Variants in ILDR2 observed in about 807,000 individuals in gnomAD.
The protein encoded by ILDR2 is immunoglobulin like domain containing receptor 2.
Under a neutral mutation model 66.8 loss-of-function variants are expected in ILDR2, and 25 were observed. The ratio of observed to expected loss-of-function variants is 0.37; its 90% CI spans 0.27 to 0.52. ILDR2 has a LOEUF of 0.52. Among genes scored for constraint, ILDR2 ranks in the 20% least tolerant of loss-of-function variants. ILDR2 has a pLI of 0.88. For missense variants in ILDR2, 827 were observed against 876.8 expected, an observed-to-expected ratio of 0.94 and a Z score of 0.72; for synonymous variants, 367 against 357.2, an observed-to-expected ratio of 1.03 and a Z score of -0.31.
chr1:166,919,095 A>G lies in ILDR2; in HGVS notation c.*260T>C, dbSNP rs1273078427. On this transcript the variant is annotated 3_prime_UTR_variant, in exon 10 of 10. Coordinates refer to ENST00000271417, the MANE Select transcript of ILDR2 (RefSeq NM_199351.3). ...GAGGAGGCTGGGCAGGATAAACGCT[A>G]TAGTTGAGAAACTCTGTATGTAGGA... 2 of 514,644 alleles carry G rather than the reference A, an allele frequency of 3.9e-6. No homozygotes were observed. Among genetic ancestry groups the G allele is most frequent in the Admixed American group, 6.6e-5 (2 of 30,496 alleles). 31.9% of individuals were successfully genotyped at this position (514,644 alleles called of 1,614,324 possible).
rs545047239 is a variant in ILDR2 at position 166,936,063 on chromosome 1, G to A, written c.703+528C>T. On this transcript the variant is annotated intron_variant, in intron 5 of 9. Transcript: ENST00000271417. This position sits in a 1 kb window ranked among gnomAD's most constrained non-coding sequence, Gnocchi z 5.0. ...GGGGTACCAAACTTAATGTCTATAT[G>A]GGCTTGGCCAGTAAGGTAAAAATTG... Among the ~76,000 whole-genome samples, 7 of 152,274 alleles carry A rather than the reference G, an allele frequency of 4.6e-5. No individual in the cohort carries two copies. In the South Asian group the frequency reaches 1.5e-3, roughly 32 times the overall value.
At chr1:166,966,721 C>T (rs547651421) in intron 1 of ILDR2, among the ~76,000 whole-genome samples, 24 of 152,310 alleles carry the variant, frequency 1.6e-4, no homozygotes, top group Middle Eastern at 3.4e-3. Context: ...CTGGCTTACA[C>T]GCAGTTCCAA....
At chr1:166,961,802 G>A (rs974195804) in intron 1 of ILDR2, among the ~76,000 whole-genome samples, 3 of 152,204 alleles carry the variant, frequency 2.0e-5, no homozygotes, top group Admixed American at 6.5e-5. Context: ...GTCAGATGCC[G>A]AGTGTGTACA....
chr1:166,943,963 C>T (rs1384428960), intron 3 of ILDR2: 1 of 479,618 alleles, frequency 2.1e-6, no homozygotes, highest in Non-Finnish European at 2.7e-6. Context: ...ACAGTTTTCC[C>T]CAAATCTTGC....
In ILDR2 at chr1:166,916,076, G is replaced by A. The variant is rs1440371582; in HGVS notation, c.*3279C>T. 6.6e-6 allele frequency: 1 copy of A among 151,926 alleles called. No homozygotes were observed. The highest frequency in any genetic ancestry group is 1.9e-4 in the East Asian group (1 of 5,136). 9.4% of individuals were successfully genotyped at this position (151,926 alleles called of 1,614,324 possible). A position where few individuals can be genotyped will look rare whatever the true frequency, so the allele number is the denominator to read the frequency against. On this transcript the variant is annotated 3_prime_UTR_variant, in exon 10 of 10. Transcript: ENST00000271417. ...GCCTAGAGAAGCAGCTCATCTACCAGGGGACACCTCCCTGCCACCTGCATC... is the reference window on the plus strand; with the variant it reads ...GCCTAGAGAAGCAGCTCATCTACCAAGGGACACCTCCCTGCCACCTGCATC...
chr1:166,921,320 G>A lies in ILDR2; in HGVS notation c.1271C>T (p.Ala424Val). ...GGCCGCCAGCTCGTCCATGGAAACG[G>A]CCGGCACCCCCGTGGCGAAGTTCTT... ...SRKNFATGVP[A>V]VSMDELAAFA... The change falls in exon 9 of 10, where the codon GCC becomes GTC. Residue 424 changes from alanine (A) to valine (V), a missense_variant. Physicochemically the swap from Ala to Val is moderately conservative, Grantham distance 64. Coordinates refer to ENST00000271417, the MANE Select transcript of ILDR2 (RefSeq NM_199351.3). This position sits in a 1 kb window ranked among gnomAD's most constrained non-coding sequence, Gnocchi z 5.3. 2 of 1,589,590 alleles carry A rather than the reference G, an allele frequency of 1.3e-6. No homozygotes were observed. Among genetic ancestry groups the A allele is most frequent in the Non-Finnish European group, 1.7e-6 (2 of 1,165,304 alleles).
intron 2 of ILDR2, 37 bp downstream of exon 2, chr1:166,957,732 C>T: frequency 6.5e-7 from 1 of 1,537,372 alleles, no homozygotes; most frequent in Non-Finnish European, 8.9e-7. Flanking sequence ...ACTAACCTCC[C>T]TCCCATTTCC....
chr1:166,952,927 A>G (rs1662068120), intron 3 of ILDR2, among the ~76,000 whole-genome samples: 2 of 152,146 alleles, frequency 1.3e-5, no homozygotes, highest in African/African-American at 4.8e-5. Context: ...CACTTTTTTC[A>G]TTTGGAAAAT....
chr1:166,898,627 C>G (rs1659210488), intron 2 of ILDR2, among the ~76,000 whole-genome samples: 1 of 152,186 alleles, frequency 6.6e-6, no homozygotes, highest in South Asian at 2.1e-4. Flanking sequence ...CACTCTGAAG[C>G]TTTGCATATT....
intron 8 of ILDR2, 99 bp downstream of exon 8, chr1:166,922,494 A>C: frequency 4.7e-6 from 4 of 845,536 alleles, no homozygotes; most frequent in Non-Finnish European, 8.0e-6. Flanking sequence ...AATGGGAGAC[A>C]GAGATGCTAC....
At chr1:166,953,352 C>T (rs1183953688) in intron 3 of ILDR2, among the ~76,000 whole-genome samples, 2 of 152,230 alleles carry the variant, frequency 1.3e-5, no homozygotes, top group Non-Finnish European at 2.9e-5. Context: ...AGATACTTCA[C>T]AATCTTGCTC....
chr1:166,953,984 C>T (rs1402462053), intron 3 of ILDR2, among the ~76,000 whole-genome samples: 1 of 152,206 alleles, frequency 6.6e-6, no homozygotes, highest in Non-Finnish European at 1.5e-5. Context: ...TACTTCCACT[C>T]CTGATTCCAT....
At chr1:166,938,347 G>A (rs1332781977) in intron 4 of ILDR2, among the ~76,000 whole-genome samples, 3 of 152,190 alleles carry the variant, frequency 2.0e-5, no homozygotes, top group African/African-American at 7.2e-5. Flanking sequence ...AAGGATTCTT[G>A]GAATCAAAGG....
At chr1:166,964,088 T>C (rs1172794765) in intron 1 of ILDR2, among the ~76,000 whole-genome samples, 1 of 151,660 alleles carries the variant, frequency 6.6e-6, no homozygotes, top group Non-Finnish European at 1.5e-5. Flanking sequence ...AGGTAAAGAA[T>C]TATACTGGAG....
intron 3 of ILDR2, among the ~76,000 whole-genome samples, chr1:166,950,131 T>C (rs895690151): frequency 1.3e-5 from 2 of 152,250 alleles, no homozygotes; most frequent in Non-Finnish European, 2.9e-5. Context: ...AGAAGTAGCC[T>C]CCAAATTTAT....
At chr1:166,974,748 T>C (rs577673428) in intron 1 of ILDR2, among the ~76,000 whole-genome samples, 1 of 152,230 alleles carries the variant, frequency 6.6e-6, no homozygotes, top group South Asian at 2.1e-4. Context: ...GTCCCCCTCC[T>C]TCTCTAGGGA....
At chr1:166,895,729 A>G (rs1221592805) in exon 3 of ILDR2, 1 of 152,246 alleles carries the variant, frequency 6.6e-6, no homozygotes, top group Non-Finnish European at 1.5e-5. Flanking sequence ...TTTATTTAAT[A>G]TATTTATGAA....
chr1:166,975,352 C>A lies in ILDR2; in HGVS notation c.-84G>T. ...AAGGATCGCTGTCACCCCGCGGCAG[C>A]GGGCGGCGGCGGAGCGGCGGGCACC... is the stretch of plus-strand genomic sequence containing the variant. On this transcript the variant is annotated 5_prime_UTR_variant, in exon 1 of 10. Transcript: ENST00000271417. 2 of 1,251,572 alleles carry A rather than the reference C, an allele frequency of 1.6e-6. No homozygotes were observed. Among genetic ancestry groups the A allele is most frequent in the Non-Finnish European group, 2.2e-6 (2 of 920,116 alleles). The allele number at this position is 1,251,572 out of a possible 1,614,324, so 77.5% of individuals were successfully genotyped here.
At chr1:166,956,602 G>T in intron 3 of ILDR2, 131 bp downstream of exon 3, 1 of 884,964 alleles carries the variant, frequency 1.1e-6, no homozygotes, top group South Asian at 1.9e-5. Flanking sequence ...TTCTAAAAGG[G>T]AGTGTGCATG....
Sources: gnomAD v4.1 joint callset for allele counts (sites outside exome capture counted in the v4.1 genomes callset) on GRCh38, gnomAD v4.1.1 for gene constraint, Gnocchi (gnomAD v3.1) non-coding constraint, MANE v1.5 for transcripts, NCBI Gene and HGNC (gene_info 2026-07-23, HGNC 2026-07-21) for gene names.